CDH3: variants seen among roughly 807,000 people sequenced by gnomAD.
CDH3 encodes cadherin-3.
CDH3 carries 54 observed loss-of-function variants against 82.0 expected under a neutral mutation model. That is an observed-to-expected ratio of 0.66 (90% CI 0.53 to 0.83). The LOEUF is 0.83. Ranked by LOEUF, CDH3 falls within the 40% of genes least tolerant of loss-of-function variation. The probability of loss-of-function intolerance (pLI) is 0.00; values close to 1 mark genes in which losing one functional copy is unlikely to be tolerated. For missense variants in CDH3, 1,054 were observed against 1,084.6 expected (o/e 0.97, Z 0.40); for synonymous variants, 446 against 437.9 (o/e 1.02, Z -0.23).
chr16:68,666,409 C>T (rs562076332), intron 2 of CDH3, among the ~76,000 whole-genome samples: 2 of 152,294 alleles, frequency 1.3e-5, no homozygotes, highest in Admixed American at 6.5e-5. Context: ...AGAGCTGCCC[C>T]AAGCTTGCTA....
intron 2 of CDH3, among the ~76,000 whole-genome samples, chr16:68,723,050 CTT>C (rs61216517): frequency 4.0e-3 from 576 of 145,432 alleles, no homozygotes; most frequent in Middle Eastern, 0.014. Flanking sequence ...GCCTCTATTA[CTT>C]TTTTTTTTTT....
intron 2 of CDH3, among the ~76,000 whole-genome samples, chr16:68,658,091 G>A (rs1483056943): frequency 2.7e-5 from 4 of 145,664 alleles, no homozygotes; most frequent in East Asian, 2.0e-4. Context: ...TTAGAGACAG[G>A]GTCTCACTAT....
At chr16:68,686,777 C>G in intron 11 of CDH3, 1 of 595,988 alleles carries the variant, frequency 1.7e-6, no homozygotes, top group Non-Finnish European at 3.0e-6. Context: ...TTCCATATTT[C>G]TCTCTTATAA....
At chr16:68,710,912 AAGG>A (rs1027706068) in intron 1 of CDH3, among the ~76,000 whole-genome samples, 43 of 138,908 alleles carry the variant, frequency 3.1e-4, no homozygotes, top group African/African-American at 1.1e-3. Context: ...GAAAGGAAGA[AAGG>A]AGAGAGGGAA....
chr16:68,682,132 GC>G (rs1961244833), intron 8 of CDH3, among the ~76,000 whole-genome samples, 169 bp from the exon 9 acceptor site: 1 of 151,512 alleles, frequency 6.6e-6, no homozygotes, highest in Non-Finnish European at 1.5e-5. Flanking sequence ...TGAGGCTGCT[GC>G]TGGGGACATC....
At chr16:68,649,490 C>G (rs987724444) in intron 2 of CDH3, among the ~76,000 whole-genome samples, 8 of 152,238 alleles carry the variant, frequency 5.3e-5, no homozygotes, top group African/African-American at 1.9e-4. Flanking sequence ...ACAACTTCAA[C>G]TAAAGCAATG....
chr16:68,718,668 T>C (rs1477965304), intron 1 of CDH3, among the ~76,000 whole-genome samples: 8 of 151,822 alleles, frequency 5.3e-5, no homozygotes, highest in Admixed American at 5.3e-4. Flanking sequence ...GGCAACAGAA[T>C]GAGACTCTGT....
In CDH3 at chr16:68,645,535, C is replaced by CA; in HGVS notation, c.46-99dup. On this transcript the variant is annotated intron_variant, in intron 1 of 15. Transcript: ENST00000264012. Reference sequence around the variant, plus strand: ...AGCGCGGGGCTGCGCTCCCTGGGGCCAAGGGAGTCCCGGAAGGCCCGTGAG... The same window carrying CA: ...AGCGCGGGGCTGCGCTCCCTGGGGCCAAAGGGAGTCCCGGAAGGCCCGTGAG... The CA allele has an allele frequency of 2.1e-6, 3 of 1,458,358 alleles. No homozygotes were observed. In the East Asian group the frequency reaches 7.4e-5, roughly 36 times the overall value. The allele number at this position is 1,458,358 out of a possible 1,614,324, so 90.3% of individuals were successfully genotyped here. A position where few individuals can be genotyped will look rare whatever the true frequency, so the allele number is the denominator to read the frequency against.
In CDH3 at chr16:68,687,429, A is replaced by G. The variant is rs541338675; in HGVS notation, c.1571-83A>G. 1,128 of 1,020,702 alleles carry G rather than the reference A, an allele frequency of 1.1e-3. 16 individuals carry two copies. The South Asian group carries it at 0.014, about 13-fold the overall frequency. The allele number at this position is 1,020,702 out of a possible 1,614,324, so 63.2% of individuals were successfully genotyped here. A position where few individuals can be genotyped will look rare whatever the true frequency, so the allele number is the denominator to read the frequency against. ...GGCATGGAAGGTCTTGAGAGGTGAG[A>G]GCTGGGCGGTAAACAGGAGGAGCCC... On this transcript the variant is annotated intron_variant, in intron 11 of 15. Coordinates refer to ENST00000264012, the MANE Select transcript of CDH3 (RefSeq NM_001793.6).
At chr16:68,656,289 T>C (rs1383420489) in intron 2 of CDH3, among the ~76,000 whole-genome samples, 1 of 152,160 alleles carries the variant, frequency 6.6e-6, no homozygotes, top group African/African-American at 2.4e-5. Flanking sequence ...ACCAGGATAT[T>C]GGCCCCCACT....
chr16:68,691,241 T>C (rs1435026594), intron 12 of CDH3, among the ~76,000 whole-genome samples: 2 of 152,114 alleles, frequency 1.3e-5, no homozygotes, highest in African/African-American at 4.8e-5. Flanking sequence ...CTTGACCTCG[T>C]GATCTGCCCA....
At chr16:68,691,621 G>A (rs1961575486) in intron 12 of CDH3, 99 bp from the exon 13 acceptor site, 1 of 901,360 alleles carries the variant, frequency 1.1e-6, no homozygotes, top group South Asian at 1.3e-5. Flanking sequence ...TCTCTGCATT[G>A]CCCACATGTG....
intron 2 of CDH3, among the ~76,000 whole-genome samples, chr16:68,652,167 A>G (rs1960268713): frequency 1.3e-5 from 2 of 152,282 alleles, no homozygotes; most frequent in South Asian, 4.1e-4. Context: ...TCCACAGCCC[A>G]GGGAGATATC....
chr16:68,647,298 C>T (rs62055322), intron 2 of CDH3, among the ~76,000 whole-genome samples: 9,984 of 142,982 alleles, frequency 0.07, 796 homozygotes, highest in African/African-American at 0.19. Context: ...TACAGTCTCC[C>T]AGAATAGGCT....
At chr16:68,664,850 A>G (rs146700373) in intron 2 of CDH3, among the ~76,000 whole-genome samples, 208 of 151,718 alleles carry the variant, frequency 1.4e-3, no homozygotes, top group African/African-American at 4.8e-3. Flanking sequence ...GGGTTTCGCC[A>G]TGTTGCCCAG....
intron 1 of CDH3, among the ~76,000 whole-genome samples, chr16:68,713,613 C>T (rs1040312893): frequency 2.0e-5 from 3 of 152,088 alleles, no homozygotes; most frequent in Non-Finnish European, 4.4e-5. Context: ...CTTTCCGGAA[C>T]GCAGATCCCA....
chr16:68,676,939 A>G (rs947876943), intron 3 of CDH3, among the ~76,000 whole-genome samples: 3 of 152,182 alleles, frequency 2.0e-5, no homozygotes, highest in African/African-American at 7.2e-5. Flanking sequence ...ATAATAAGCT[A>G]TACAATAAAT....
chr16:68,694,686 A>G (rs1961664391), intron 13 of CDH3, among the ~76,000 whole-genome samples: 1 of 152,144 alleles, frequency 6.6e-6, no homozygotes, highest in Admixed American at 6.6e-5. Context: ...GTACCCTATG[A>G]AAGTTGCATT....
chr16:68,665,157 C>G (rs1960699658), intron 2 of CDH3, among the ~76,000 whole-genome samples: 1 of 151,928 alleles, frequency 6.6e-6, no homozygotes, highest in Non-Finnish European at 1.5e-5. Flanking sequence ...GCCTGTAATC[C>G]CAGCACTTTG....
Sources: allele counts gnomAD v4.1 joint callset (sites outside exome capture counted in the v4.1 genomes callset), GRCh38; gene constraint gnomAD v4.1.1; transcripts MANE v1.5; gene names NCBI Gene and HGNC (gene_info 2026-07-23, HGNC 2026-07-21).